Variants in ERC1 observed in about 807,000 individuals in gnomAD.
ERC1 encodes ELKS/RAB6-interacting/CAST family member 1, also known as RAB6 interacting protein 2.
A neutral mutation model predicts 132.0 loss-of-function variants in ERC1; 56 were observed. The ratio of observed to expected loss-of-function variants is 0.42; its 90% CI spans 0.34 to 0.53. The LOEUF (loss-of-function observed/expected upper bound fraction) is 0.53, where lower values mean the gene tolerates loss of function less well. Among genes scored for constraint, ERC1 ranks in the 20% least tolerant of loss-of-function variants. ERC1 has a pLI of 0.03. For synonymous variants in ERC1, 478 were observed against 476.1 expected, an observed-to-expected ratio of 1.00 and a Z score of -0.05; for missense variants, 1,202 against 1,349.9, an observed-to-expected ratio of 0.89 and a Z score of 1.72.
At chr12:1,206,962 A>G (rs1016346637) in intron 12 of ERC1, among the ~76,000 whole-genome samples, 1 of 152,156 alleles carries the variant, frequency 6.6e-6, no homozygotes, top group African/African-American at 2.4e-5. Context: ...GGATATAAAT[A>G]ACTACCACAA....
intron 2 of ERC1, among the ~76,000 whole-genome samples, chr12:1,076,689 G>A (rs1383294220): frequency 6.6e-6 from 1 of 151,990 alleles, no homozygotes. Flanking sequence ...GATTTTTTTA[G>A]AATAAGAGTA....
intron 16 of ERC1, among the ~76,000 whole-genome samples, chr12:1,402,614 AACACAC>A (rs56777839): frequency 0.023 from 3,280 of 144,976 alleles, 39 homozygotes; most frequent in Non-Finnish European, 0.027. Context: ...TGTAACCCCC[AACACAC>A]ACACACACAC....
At position 1,492,334 on chromosome 12, in the gene ERC1, T is replaced by C. The variant is rs1280571755; in HGVS notation, c.*2104T>C. 1 of 232,636 alleles carries C rather than the reference T, an allele frequency of 4.3e-6. No homozygotes were observed. Among genetic ancestry groups the C allele is most frequent in the Non-Finnish European group, 8.5e-6 (1 of 117,926 alleles). The allele number at this position is 232,636 out of a possible 1,614,324, so 14.4% of individuals were successfully genotyped here. A position where few individuals can be genotyped will look rare whatever the true frequency, so the allele number is the denominator to read the frequency against. Reference sequence around the variant, plus strand: ...AGCTCCCAGCACTGAAAGGCAGGAGTGTTAGCATCTCGCTTTATCCACCAT... The same window carrying C: ...AGCTCCCAGCACTGAAAGGCAGGAGCGTTAGCATCTCGCTTTATCCACCAT... On this transcript the variant is annotated 3_prime_UTR_variant, in exon 19 of 19. Coordinates refer to ENST00000360905, the MANE Select transcript of ERC1 (RefSeq NM_178040.4).
At position 1,438,946 on chromosome 12, in the gene ERC1, TA is replaced by T. The variant is rs145056944; in HGVS notation, c.3025-5607del. Among the ~76,000 whole-genome samples the T allele has an allele frequency of 1.2e-3, 167 of 144,722 alleles. 3 individuals are homozygous for T. Among genetic ancestry groups the T allele is most frequent in the East Asian group, 3.8e-3 (19 of 5,042 alleles). 94.9% of individuals were successfully genotyped at this position (144,722 alleles called of 152,430 possible). On this transcript the variant is annotated intron_variant, in intron 17 of 18. Coordinates refer to ENST00000360905, the MANE Select transcript of ERC1 (RefSeq NM_178040.4). ...GACAAAGCGAGACCTTGTCTCAATT[TA>T]AAAAAAAATATATATATATATATAA...
In ERC1 at chr12:1,429,028, T is replaced by G. The variant is rs188159071; in HGVS notation, c.3025-15534T>G. ...AAATAGAGGCTTGCTCTATACAATA[T>G]TCAAAACAGATGGCTTTTTTTTGGT... On this transcript the variant is annotated intron_variant, in intron 17 of 18. Transcript: ENST00000360905. Among the ~76,000 whole-genome samples the G allele has an allele frequency of 3.3e-3, 509 of 152,326 alleles. 3 individuals carry two copies. Among genetic ancestry groups the G allele is most frequent in the Admixed American group, 3.9e-3 (60 of 15,304 alleles).
At chr12:1,400,916 A>ATTATTATTATTATTTTT in intron 16 of ERC1, among the ~76,000 whole-genome samples, 1 of 15,058 alleles carries the variant, frequency 6.6e-5, no homozygotes, top group African/African-American at 3.1e-4. Flanking sequence ...CTATTTTTGT[A>ATTATTATTATTATTTTT]TTTTTTTTTT....
intron 15 of ERC1, among the ~76,000 whole-genome samples, chr12:1,351,715 T>A (rs2085016299): frequency 6.6e-6 from 1 of 152,196 alleles, no homozygotes; most frequent in African/African-American, 2.4e-5. Context: ...TTGTACATAT[T>A]TATGGGGTAC....
intron 14 of ERC1, among the ~76,000 whole-genome samples, chr12:1,271,160 A>G (rs1594692688): frequency 6.6e-6 from 1 of 152,336 alleles, no homozygotes; most frequent in South Asian, 2.1e-4. Context: ...GTATAAAAAG[A>G]TACATTTTAA....
intron 15 of ERC1, among the ~76,000 whole-genome samples, chr12:1,309,564 T>C (rs186329508): frequency 3.7e-4 from 56 of 152,304 alleles, no homozygotes; most frequent in Non-Finnish European, 6.2e-4. Context: ...CCTATTTTTT[T>C]ACTCTGACCC....
At chr12:1,323,490 C>T (rs541655049) in intron 15 of ERC1, among the ~76,000 whole-genome samples, 1 of 152,292 alleles carries the variant, frequency 6.6e-6, no homozygotes, top group South Asian at 2.1e-4. Context: ...ATAATTCTTA[C>T]ACTGCCACAC....
At chr12:1,426,524 A>C (rs1023386578) in intron 17 of ERC1, among the ~76,000 whole-genome samples, 1 of 152,232 alleles carries the variant, frequency 6.6e-6, no homozygotes, top group Admixed American at 6.5e-5. Context: ...TTTGTTAAAC[A>C]TTAATATTCT....
chr12:1,114,268 G>A (rs979329802), intron 6 of ERC1, among the ~76,000 whole-genome samples: 2 of 152,192 alleles, frequency 1.3e-5, no homozygotes, highest in East Asian at 1.9e-4. Context: ...TGATCCACCC[G>A]CCTCGGCCTT....
intron 2 of ERC1, among the ~76,000 whole-genome samples, chr12:1,039,032 C>G (rs1969654646): frequency 6.6e-6 from 1 of 151,622 alleles, no homozygotes; most frequent in Non-Finnish European, 1.5e-5. Flanking sequence ...AGTGAGACCC[C>G]ATCTCTTAAA....
intron 16 of ERC1, chr12:1,390,754 G>A (rs922013140): frequency 1.3e-5 from 2 of 152,222 alleles, no homozygotes; most frequent in Non-Finnish European, 2.9e-5. Context: ...CAAGAACTGG[G>A]ACTGGAATAG....
chr12:1,458,034 G>T (rs1470299070), intron 18 of ERC1, among the ~76,000 whole-genome samples: 2 of 152,254 alleles, frequency 1.3e-5, no homozygotes, highest in Non-Finnish European at 2.9e-5. Context: ...CAGGACAAAG[G>T]CACTGGGTTT....
intron 13 of ERC1, among the ~76,000 whole-genome samples, chr12:1,259,215 CTT>C (rs2076991618): frequency 6.6e-6 from 1 of 152,080 alleles, no homozygotes; most frequent in African/African-American, 2.4e-5. Context: ...ACTTTCATCT[CTT>C]TTGGTTGTTT....
At chr12:1,344,776 A>G (rs893225199) in intron 15 of ERC1, among the ~76,000 whole-genome samples, 2 of 152,094 alleles carry the variant, frequency 1.3e-5, no homozygotes, top group African/African-American at 4.8e-5. Flanking sequence ...CTTAATAACA[A>G]CTCCGTTAAG....
chr12:1,202,337 A>AT (rs1310145885), intron 12 of ERC1, among the ~76,000 whole-genome samples: 3 of 152,008 alleles, frequency 2.0e-5, no homozygotes, highest in Admixed American at 1.3e-4. Context: ...CGATGTACAG[A>AT]TTTTTTCTCC....
At chr12:1,432,268 A>G (rs1204618319) in intron 17 of ERC1, among the ~76,000 whole-genome samples, 1 of 152,254 alleles carries the variant, frequency 6.6e-6, no homozygotes, top group Non-Finnish European at 1.5e-5. Context: ...GCTATGAACT[A>G]ACAAACTTTA....
Sources: gnomAD v4.1 joint callset for allele counts (sites outside exome capture counted in the v4.1 genomes callset) on GRCh38, gnomAD v4.1.1 for gene constraint, MANE v1.5 for transcripts, NCBI Gene and HGNC (gene_info 2026-07-23, HGNC 2026-07-21) for gene names.